The following ANGPT1 variants were observed in gnomAD, a reference collection of about 807,000 sequenced individuals.
The protein encoded by ANGPT1 is angiopoietin 1, also known as angiopoietin-1.
In ANGPT1, 17 loss-of-function variants were observed where a neutral mutation model predicts 62.2. The observed-to-expected ratio is 0.27, with a 90% confidence interval of 0.19 to 0.41. The LOEUF (loss-of-function observed/expected upper bound fraction) is 0.41, where lower values mean the gene tolerates loss of function less well. Ranked by LOEUF, ANGPT1 falls within the 10% of genes least tolerant of loss-of-function variation. ANGPT1 has a pLI of 1.00. For synonymous variants in ANGPT1, 199 were observed against 198.9 expected (o/e 1.00, Z 0.00); for missense variants, 478 against 594.9 (o/e 0.80, Z 2.04).
chr8:107,345,148 T>A (rs1402805283), intron 2 of ANGPT1, among the ~76,000 whole-genome samples: 1 of 152,210 alleles, frequency 6.6e-6, no homozygotes, highest in African/African-American at 2.4e-5. Flanking sequence ...TCATTGCTAC[T>A]TGTGATGGAT....
At chr8:107,477,023 C>T (rs968279266) in intron 1 of ANGPT1, among the ~76,000 whole-genome samples, 2 of 152,088 alleles carry the variant, frequency 1.3e-5, no homozygotes, top group African/African-American at 4.8e-5. Flanking sequence ...TCCAATTATC[C>T]ACCCTTGCAT....
chr8:107,492,789 A>G (rs977540341), intron 1 of ANGPT1, among the ~76,000 whole-genome samples: 3 of 150,576 alleles, frequency 2.0e-5, no homozygotes, highest in African/African-American at 7.4e-5. Context: ...TATTATACAG[A>G]TGTATATTAA....
chr8:107,413,786 G>C lies in ANGPT1; in HGVS notation c.298-66689C>G, dbSNP rs565998211. ...CATGTTAAATAAAGACAAGATCAGT[G>C]ACCATGACTTGGTGAGCCACATTAG... On this transcript the variant is annotated intron_variant, in intron 1 of 8. Transcript: ENST00000517746. Among the ~76,000 whole-genome samples the C allele has an allele frequency of 6.6e-5, 10 of 152,090 alleles. No individual in the cohort carries two copies. The East Asian group carries it at 1.4e-3, about 21-fold the overall frequency.
chr8:107,388,782 G>A (rs145912416), intron 1 of ANGPT1, among the ~76,000 whole-genome samples: 9 of 152,224 alleles, frequency 5.9e-5, no homozygotes, highest in African/African-American at 1.9e-4. Flanking sequence ...AGCATTTCCT[G>A]TGTTATTTTC....
chr8:107,380,535 T>A (rs984333204), intron 1 of ANGPT1, among the ~76,000 whole-genome samples: 6 of 152,040 alleles, frequency 3.9e-5, no homozygotes, highest in South Asian at 2.1e-4. Flanking sequence ...TTAAAAAAAA[T>A]TTATTTCTTA....
intron 1 of ANGPT1, among the ~76,000 whole-genome samples, chr8:107,440,338 CACTT>C (rs1811442572): frequency 6.6e-6 from 1 of 152,160 alleles, no homozygotes; most frequent in Non-Finnish European, 1.5e-5. Context: ...AAATTTTACA[CACTT>C]ACTCATTTAG....
intron 5 of ANGPT1, among the ~76,000 whole-genome samples, chr8:107,299,028 C>G: frequency 6.6e-6 from 1 of 151,572 alleles, no homozygotes; most frequent in African/African-American, 2.4e-5. Flanking sequence ...ATGGAAAAAA[C>G]TGAGATTATA....
At chr8:107,426,596 T>G (rs973145810) in intron 1 of ANGPT1, among the ~76,000 whole-genome samples, 1 of 152,178 alleles carries the variant, frequency 6.6e-6, no homozygotes, top group Non-Finnish European at 1.5e-5. Flanking sequence ...TCTTCCTCCT[T>G]GTATTCACTT....
chr8:107,418,904 A>G (rs80242384), intron 1 of ANGPT1, among the ~76,000 whole-genome samples: 1,778 of 152,272 alleles, frequency 0.012, 41 homozygotes, highest in African/African-American at 0.04. Flanking sequence ...AAATCAGGGG[A>G]AAAAATCCCA....
intron 1 of ANGPT1, among the ~76,000 whole-genome samples, chr8:107,484,122 C>T (rs1812755264): frequency 2.0e-5 from 3 of 152,116 alleles, no homozygotes. Context: ...TTCCCTGCTC[C>T]CCACCATTCA....
At chr8:107,408,475 G>A (rs1425401001) in intron 1 of ANGPT1, among the ~76,000 whole-genome samples, 3 of 151,096 alleles carry the variant, frequency 2.0e-5, no homozygotes, top group Admixed American at 6.6e-5. Context: ...ATACTAAAAA[G>A]AGTCTTCGTG....
intron 1 of ANGPT1, among the ~76,000 whole-genome samples, chr8:107,486,114 C>T (rs1812807148): frequency 6.6e-6 from 1 of 152,092 alleles, no homozygotes; most frequent in Non-Finnish European, 1.5e-5. Flanking sequence ...CTGTGTGAAA[C>T]AGAACTTGAG....
intron 1 of ANGPT1, among the ~76,000 whole-genome samples, chr8:107,367,502 A>C (rs1234160513): frequency 6.6e-6 from 1 of 152,116 alleles, no homozygotes; most frequent in African/African-American, 2.4e-5. Flanking sequence ...AGTTATCCAT[A>C]TCAATTGACT....
At chr8:107,333,851 G>A (rs1815482097) in intron 3 of ANGPT1, among the ~76,000 whole-genome samples, 1 of 151,202 alleles carries the variant, frequency 6.6e-6, no homozygotes, top group African/African-American at 2.4e-5. Context: ...TAAAAATCAT[G>A]ATGGGAAGAC....
chr8:107,438,479 T>C (rs893566158), intron 1 of ANGPT1, among the ~76,000 whole-genome samples: 11 of 152,172 alleles, frequency 7.2e-5, no homozygotes, highest in African/African-American at 2.2e-4. Context: ...AAATATCAGG[T>C]TCTTACAAAA....
chr8:107,291,922 G>T (rs1401740078), intron 6 of ANGPT1, among the ~76,000 whole-genome samples: 1 of 145,878 alleles, frequency 6.9e-6, no homozygotes, highest in African/African-American at 2.6e-5. Flanking sequence ...CACTTAATAG[G>T]CAGTCTATTT....
intron 4 of ANGPT1, among the ~76,000 whole-genome samples, chr8:107,305,505 A>C (rs1280048333): frequency 6.6e-6 from 1 of 152,004 alleles, no homozygotes; most frequent in Admixed American, 6.6e-5. Flanking sequence ...TATTTCACAC[A>C]CATTTTTAGT....
intron 4 of ANGPT1, among the ~76,000 whole-genome samples, chr8:107,308,486 G>A (rs1814773572): frequency 6.6e-6 from 1 of 152,096 alleles, no homozygotes; most frequent in Non-Finnish European, 1.5e-5. Context: ...GCACCAAAGA[G>A]AGAGAATGCA....
intron 1 of ANGPT1, among the ~76,000 whole-genome samples, chr8:107,490,325 G>A (rs1228595076): frequency 1.3e-5 from 2 of 152,154 alleles, no homozygotes; most frequent in African/African-American, 4.8e-5. Flanking sequence ...GCCCAGACTT[G>A]TTTATCCACA....
Sources: gnomAD v4.1 joint callset for allele counts (sites outside exome capture counted in the v4.1 genomes callset) on GRCh38, gnomAD v4.1.1 for gene constraint, MANE v1.5 for transcripts, NCBI Gene and HGNC (gene_info 2026-07-23, HGNC 2026-07-21) for gene names.